The following SGK3 variants were observed in gnomAD, a reference collection of about 807,000 sequenced individuals.
SGK3 encodes serum/glucocorticoid regulated kinase family member 3.
In SGK3, 47 loss-of-function variants were observed where a neutral mutation model predicts 68.5. That is an observed-to-expected ratio of 0.69 (90% CI 0.54 to 0.87). The LOEUF (loss-of-function observed/expected upper bound fraction) is 0.87. Among genes scored for constraint, SGK3 ranks in the 40% least tolerant of loss-of-function variants. The pLI, the probability that SGK3 is intolerant of heterozygous loss-of-function variation, is 0.00. For missense variants in SGK3, 479 were observed against 575.5 expected, an observed-to-expected ratio of 0.83 and a Z score of 1.72; for synonymous variants, 181 against 189.1, an observed-to-expected ratio of 0.96 and a Z score of 0.35.
At chr8:66,772,093 ATT>A (rs748335053) in intron 1 of SGK3, among the ~76,000 whole-genome samples, 1 of 97,510 alleles carries the variant, frequency 1.0e-5, no homozygotes, top group African/African-American at 4.9e-5. Context: ...AAGATACTGA[ATT>A]TTTTTTTTTT....
chr8:66,724,041 A>G (rs1204678819), intron 1 of SGK3, among the ~76,000 whole-genome samples: 3 of 152,210 alleles, frequency 2.0e-5, no homozygotes, highest in Non-Finnish European at 2.9e-5. Flanking sequence ...TTATATTTCT[A>G]TTATTTCTGA....
chr8:66,786,736 C>T (rs1235394187), intron 1 of SGK3, among the ~76,000 whole-genome samples: 1 of 152,092 alleles, frequency 6.6e-6, no homozygotes, highest in Non-Finnish European at 1.5e-5. Flanking sequence ...GGTGGAATCT[C>T]TTTCAAACAT....
At chr8:66,806,208 C>T (rs1351894789) in intron 4 of SGK3, among the ~76,000 whole-genome samples, 1 of 151,788 alleles carries the variant, frequency 6.6e-6, no homozygotes, top group African/African-American at 2.4e-5. Flanking sequence ...TTTTTTCCCC[C>T]CTTGGGAGTA....
At chr8:66,838,123 TG>T (rs1381169094) in intron 10 of SGK3, among the ~76,000 whole-genome samples, 4 of 152,202 alleles carry the variant, frequency 2.6e-5, no homozygotes, top group Non-Finnish European at 4.4e-5. Context: ...TGGAGTGCAG[TG>T]GTGCGATCTC....
chr8:66,755,475 C>G (rs1408964593), intron 1 of SGK3, among the ~76,000 whole-genome samples: 2 of 152,322 alleles, frequency 1.3e-5, no homozygotes, highest in African/African-American at 2.4e-5. Flanking sequence ...CATGTAGACA[C>G]TCAGAAAGTT....
chr8:66,816,038 C>T (rs767894879), intron 5 of SGK3, among the ~76,000 whole-genome samples: 3 of 151,986 alleles, frequency 2.0e-5, no homozygotes, highest in Admixed American at 6.6e-5. Context: ...CTCACTGTGT[C>T]GCCCAGGCTG....
At chr8:66,810,562 G>A (rs907620646) in intron 4 of SGK3, among the ~76,000 whole-genome samples, 7 of 152,134 alleles carry the variant, frequency 4.6e-5, no homozygotes, top group East Asian at 1.9e-4. Flanking sequence ...TTAGCCAGGC[G>A]TGGTGGCATA....
intron 1 of SGK3, chr8:66,737,376 A>T (rs1384040129): frequency 6.6e-6 from 1 of 151,994 alleles, no homozygotes; most frequent in Non-Finnish European, 1.5e-5. Flanking sequence ...AATTCTGAGA[A>T]GCAATAAGGA....
intron 7 of SGK3, 81 bp from the exon 8 acceptor site, chr8:66,831,173 A>G: frequency 6.6e-7 from 1 of 1,520,008 alleles, no homozygotes; most frequent in Non-Finnish European, 9.0e-7. Flanking sequence ...TTATTTTTTA[A>G]AGAGGGAGGT....
intron 8 of SGK3, 64 bp downstream of exon 8, chr8:66,831,375 C>A (rs1809296686): frequency 3.2e-6 from 5 of 1,578,624 alleles, no homozygotes; most frequent in South Asian, 1.1e-5. Context: ...GAGACAGGGT[C>A]TCACTCTGTT....
intron 2 of SGK3, 48 bp from the exon 3 acceptor site, chr8:66,798,494 T>C (rs964364587): frequency 2.0e-6 from 3 of 1,533,250 alleles, no homozygotes; most frequent in African/African-American, 2.8e-5. Context: ...GCTAATGGGT[T>C]TTTTGCAATT....
At chr8:66,844,560 T>C (rs1809930759) in intron 14 of SGK3, among the ~76,000 whole-genome samples, 2 of 152,212 alleles carry the variant, frequency 1.3e-5, no homozygotes, top group Non-Finnish European at 2.9e-5. Context: ...TACATGTATG[T>C]TTTTCTGTAG....
chr8:66,843,647 C>T, intron 14 of SGK3, 100 bp downstream of exon 14: 1 of 1,197,096 alleles, frequency 8.4e-7, no homozygotes, highest in Non-Finnish European at 1.2e-6. Flanking sequence ...TTAGATAACA[C>T]TAACAGAGCA....
intron 1 of SGK3, among the ~76,000 whole-genome samples, chr8:66,747,717 C>T (rs1805692797): frequency 6.6e-6 from 1 of 152,146 alleles, no homozygotes; most frequent in African/African-American, 2.4e-5. Context: ...GCCACCACGC[C>T]TGGCTAATTT....
intron 1 of SGK3, among the ~76,000 whole-genome samples, chr8:66,758,311 G>A (rs548217357): frequency 6.6e-5 from 10 of 152,124 alleles, no homozygotes; most frequent in East Asian, 1.9e-4. Context: ...CCGAGATCGC[G>A]CCATTGCACT....
intron 3 of SGK3, among the ~76,000 whole-genome samples, chr8:66,802,334 A>C (rs546527922): frequency 6.6e-6 from 1 of 152,206 alleles, no homozygotes; most frequent in Admixed American, 6.5e-5. Context: ...AGGCATTTTA[A>C]TTGTCAACTT....
chr8:66,801,162 G>T (rs986243023), intron 3 of SGK3, among the ~76,000 whole-genome samples: 17 of 152,100 alleles, frequency 1.1e-4, no homozygotes, highest in African/African-American at 3.1e-4. Flanking sequence ...TTCAAATTTT[G>T]GAATATTTGA....
chr8:66,808,283 CTAACT>C (rs1808243989), intron 4 of SGK3, among the ~76,000 whole-genome samples: 1 of 152,034 alleles, frequency 6.6e-6, no homozygotes. Flanking sequence ...AGGAAAAAAC[CTAACT>C]TAATTTAAGT....
intron 1 of SGK3, among the ~76,000 whole-genome samples, chr8:66,786,910 T>C (rs1807222221): frequency 7.2e-6 from 1 of 139,604 alleles, no homozygotes; most frequent in African/African-American, 2.6e-5. Context: ...TCTGTGAGGG[T>C]AGGATTTTCT....
Sources: allele counts gnomAD v4.1 joint callset (sites outside exome capture counted in the v4.1 genomes callset), GRCh38; gene constraint gnomAD v4.1.1; transcripts MANE v1.5; gene names NCBI Gene and HGNC (gene_info 2026-07-23, HGNC 2026-07-21).